The following CD2AP variants were observed in gnomAD, a reference collection of about 807,000 sequenced individuals.
The protein encoded by CD2AP is CD2 associated protein.
Under a neutral mutation model 85.1 loss-of-function variants are expected in CD2AP, and 46 were observed. That is an observed-to-expected ratio of 0.54 (90% confidence interval 0.43 to 0.69). CD2AP has a LOEUF of 0.69. Among genes scored for constraint, CD2AP ranks in the 30% least tolerant of loss-of-function variants. The pLI is 0.00. For missense variants in CD2AP, 769 were observed against 729.5 expected (o/e 1.05, Z -0.62); for synonymous variants, 255 against 252.9 (o/e 1.01, Z -0.08).
At chr6:47,526,477 T>C (rs1009594335) in intron 2 of CD2AP, among the ~76,000 whole-genome samples, 1 of 152,176 alleles carries the variant, frequency 6.6e-6, no homozygotes, top group Non-Finnish European at 1.5e-5. Flanking sequence ...TAAGTTGCTT[T>C]CCCCCTTTTA....
In CD2AP at chr6:47,511,885, G is replaced by T. The variant is rs568697010; in HGVS notation, c.165+8445G>T. ...CTACTAAAATACAAAAAATTGGCCGGGGGTGGCTCACACTTGTAATCCCAG... is the reference window on the plus strand; with the variant it reads ...CTACTAAAATACAAAAAATTGGCCGTGGGTGGCTCACACTTGTAATCCCAG... On this transcript the variant is annotated intron_variant, in intron 2 of 17. Transcript: ENST00000359314. Among the ~76,000 whole-genome samples the T allele has an allele frequency of 3.1e-5, 3 of 95,808 alleles. No individual in the cohort carries two copies. The East Asian group carries it at 6.4e-4, about 20-fold the overall frequency. 62.9% of individuals were successfully genotyped at this position (95,808 alleles called of 152,430 possible). A position where few individuals can be genotyped will look rare whatever the true frequency, so the allele number is the denominator to read the frequency against.
intron 1 of CD2AP, among the ~76,000 whole-genome samples, chr6:47,489,345 A>T (rs899513782): frequency 6.6e-5 from 10 of 151,548 alleles, no homozygotes; most frequent in Non-Finnish European, 1.3e-4. Flanking sequence ...TTTTTGTATT[A>T]TTATTTTTTT....
At chr6:47,548,486 C>T (rs1160976677) in intron 4 of CD2AP, among the ~76,000 whole-genome samples, 1 of 152,040 alleles carries the variant, frequency 6.6e-6, no homozygotes, top group Non-Finnish European at 1.5e-5. Context: ...AGATACAATC[C>T]TCCTTGATTA....
In CD2AP at chr6:47,599,382, G is replaced by T. The variant is rs1332219482; in HGVS notation, c.1356G>T (p.Leu452=). The change falls in exon 13 of 18, where the codon CTG becomes CTT. Residue 452 remains leucine, a synonymous_variant. Coordinates refer to ENST00000359314, the MANE Select transcript of CD2AP (RefSeq NM_012120.3). ...AACTAAAGCTAGATTCTGAACAGCTGCCCCTTAGACCAAAATCAGTAGACT... is the reference window on the plus strand; with the variant it reads ...AACTAAAGCTAGATTCTGAACAGCTTCCCCTTAGACCAAAATCAGTAGACT... ...VSKLKLDSEQ[L]PLRPKSVDFD... The T allele has an allele frequency of 1.2e-6, 2 of 1,611,906 alleles. No homozygotes were observed. Among genetic ancestry groups the T allele is most frequent in the Non-Finnish European group, 1.7e-6 (2 of 1,178,794 alleles).
chr6:47,494,182 G>C (rs116411631), intron 1 of CD2AP, among the ~76,000 whole-genome samples: 5,610 of 152,220 alleles, frequency 0.037, 329 homozygotes, highest in African/African-American at 0.13. Context: ...TAAATCGTTA[G>C]TGTGAGGATT....
At chr6:47,506,868 T>C (rs770651909) in intron 2 of CD2AP, among the ~76,000 whole-genome samples, 4 of 151,784 alleles carry the variant, frequency 2.6e-5, no homozygotes, top group Non-Finnish European at 4.4e-5. Flanking sequence ...TGTGGCAGTT[T>C]CTAAGATGAG....
At chr6:47,601,377 C>T (rs972670828) in intron 13 of CD2AP, among the ~76,000 whole-genome samples, 1 of 151,964 alleles carries the variant, frequency 6.6e-6, no homozygotes, top group Non-Finnish European at 1.5e-5. Flanking sequence ...CAGCTACTTT[C>T]AGGCTGCTGT....
chr6:47,501,214 C>T (rs1329245719), intron 1 of CD2AP, among the ~76,000 whole-genome samples: 1 of 152,112 alleles, frequency 6.6e-6, no homozygotes, highest in Non-Finnish European at 1.5e-5. Flanking sequence ...TAGCCAGACC[C>T]CATCTCTATT....
intron 14 of CD2AP, 126 bp from the exon 15 acceptor site, chr6:47,607,801 T>C (rs1769314891): frequency 1.5e-6 from 1 of 655,636 alleles, no homozygotes; most frequent in Non-Finnish European, 2.7e-6. Flanking sequence ...CTATTAATAA[T>C]AATGGGATAT....
intron 11 of CD2AP, among the ~76,000 whole-genome samples, chr6:47,583,367 T>C (rs1330513008): frequency 6.6e-6 from 1 of 152,208 alleles, no homozygotes; most frequent in East Asian, 1.9e-4. Context: ...TCCACCATTG[T>C]AGTATCATAC....
intron 3 of CD2AP, among the ~76,000 whole-genome samples, chr6:47,543,223 C>T (rs1318460245): frequency 6.7e-6 from 1 of 148,564 alleles, no homozygotes; most frequent in Admixed American, 6.7e-5. Flanking sequence ...GGAGTGTCTT[C>T]TAAGCTGAGA....
chr6:47,557,009 T>C (rs1767713580), intron 5 of CD2AP, among the ~76,000 whole-genome samples: 1 of 152,178 alleles, frequency 6.6e-6, no homozygotes, highest in Admixed American at 6.5e-5. Flanking sequence ...TTTTTAATGA[T>C]CGCCATTCTA....
At chr6:47,591,886 G>A (rs1768805854) in intron 11 of CD2AP, among the ~76,000 whole-genome samples, 1 of 152,038 alleles carries the variant, frequency 6.6e-6, no homozygotes, top group Admixed American at 6.6e-5. Flanking sequence ...GGAGTGCAGT[G>A]ATGTCATAGC....
chr6:47,487,588 G>T (rs549869085), intron 1 of CD2AP, among the ~76,000 whole-genome samples: 62 of 152,254 alleles, frequency 4.1e-4, no homozygotes, highest in African/African-American at 1.4e-3. Context: ...TGCTCGGGAG[G>T]CTGAGGCAGG....
At chr6:47,488,756 TG>T (rs1331775841) in intron 1 of CD2AP, among the ~76,000 whole-genome samples, 1 of 147,504 alleles carries the variant, frequency 6.8e-6, no homozygotes, top group Non-Finnish European at 1.5e-5. Context: ...CCAGGTGTGG[TG>T]GCATACCCCT....
intron 2 of CD2AP, among the ~76,000 whole-genome samples, chr6:47,516,955 C>T (rs1157023303): frequency 6.6e-6 from 1 of 152,240 alleles, no homozygotes; most frequent in Non-Finnish European, 1.5e-5. Flanking sequence ...TGGTAGTTGT[C>T]CCCTCCAAAT....
intron 4 of CD2AP, among the ~76,000 whole-genome samples, chr6:47,551,307 T>G (rs1767516974): frequency 6.6e-6 from 1 of 152,226 alleles, no homozygotes; most frequent in Admixed American, 6.5e-5. Context: ...TTTGATACCA[T>G]GTATTATAGC....
chr6:47,505,026 T>C (rs139772521), intron 2 of CD2AP, among the ~76,000 whole-genome samples: 2 of 102,690 alleles, frequency 1.9e-5, no homozygotes, highest in Non-Finnish European at 4.5e-5. Flanking sequence ...TTTTTTTTTT[T>C]TTTTTTTTTT....
chr6:47,492,193 G>C (rs1367227953), intron 1 of CD2AP, among the ~76,000 whole-genome samples: 1 of 152,006 alleles, frequency 6.6e-6, no homozygotes, highest in Non-Finnish European at 1.5e-5. Context: ...AAATACCTTA[G>C]ACTAGGTAAT....
Sources: allele counts gnomAD v4.1 joint callset (sites outside exome capture counted in the v4.1 genomes callset), GRCh38; gene constraint gnomAD v4.1.1; transcripts MANE v1.5; gene names NCBI Gene and HGNC (gene_info 2026-07-23, HGNC 2026-07-21).